RNLS: variants seen among roughly 807,000 people sequenced by gnomAD.
RNLS encodes renalase.
Under a neutral mutation model 39.8 loss-of-function variants are expected in RNLS, and 39 were observed. The ratio of observed to expected loss-of-function variants is 0.98; its 90% CI spans 0.76 to 1.28. The LOEUF is 1.28. RNLS is among the 50% of genes most tolerant of loss of function. The pLI is 0.00. For missense variants in RNLS, 410 were observed against 413.3 expected, an observed-to-expected ratio of 0.99 and a Z score of 0.07; for synonymous variants, 147 against 150.7, an observed-to-expected ratio of 0.98 and a Z score of 0.18.
At chr10:88,564,887 G>A (rs1026313484) in intron 4 of RNLS, among the ~76,000 whole-genome samples, 2 of 152,080 alleles carry the variant, frequency 1.3e-5, no homozygotes, top group Admixed American at 6.6e-5. Flanking sequence ...GCAAAATAGA[G>A]AGAGTTGGAT....
chr10:88,188,015 T>C, the RNLS span, among the ~76,000 whole-genome samples: 1 of 152,214 alleles, frequency 6.6e-6, no homozygotes, highest in Non-Finnish European at 1.5e-5. Context: ...TGCATTTATT[T>C]GACACATGCC....
chr10:88,228,252 G>T, the RNLS span, among the ~76,000 whole-genome samples: 1 of 152,094 alleles, frequency 6.6e-6, no homozygotes. Context: ...TTTATTTCTT[G>T]TACATGCAAT....
chr10:88,570,348 T>A (rs1421332641), intron 4 of RNLS, among the ~76,000 whole-genome samples: 1 of 152,218 alleles, frequency 6.6e-6, no homozygotes, highest in Non-Finnish European at 1.5e-5. Context: ...ATTATGGGAT[T>A]CTATTAATGA....
intron 4 of RNLS, among the ~76,000 whole-genome samples, chr10:88,437,853 G>A (rs750299438): frequency 1.8e-4 from 27 of 152,162 alleles, no homozygotes; most frequent in East Asian, 1.5e-3. Context: ...GAGGCCGGGC[G>A]TGGTGGCTCA....
intron 4 of RNLS, among the ~76,000 whole-genome samples, chr10:88,492,319 G>C (rs113314330): frequency 6.6e-6 from 1 of 152,002 alleles, no homozygotes; most frequent in African/African-American, 2.4e-5. Flanking sequence ...AGTCCAATAA[G>C]TGGTATTGGA....
the RNLS span, among the ~76,000 whole-genome samples, chr10:88,213,008 A>G: frequency 1.2e-4 from 18 of 152,196 alleles, no homozygotes. Context: ...TAAAGAAAAA[A>G]TTTTGGCTTT....
At chr10:88,517,255 A>C (rs957186422) in intron 4 of RNLS, among the ~76,000 whole-genome samples, 1 of 152,002 alleles carries the variant, frequency 6.6e-6, no homozygotes, top group Non-Finnish European at 1.5e-5. Flanking sequence ...TATTACAAAC[A>C]GACTTTACAT....
the RNLS span, among the ~76,000 whole-genome samples, chr10:88,197,135 A>G: frequency 6.6e-6 from 1 of 152,194 alleles, no homozygotes; most frequent in African/African-American, 2.4e-5. Flanking sequence ...CTTAATAGCT[A>G]TGTAACTTTG....
the RNLS span, among the ~76,000 whole-genome samples, chr10:88,231,825 A>G: frequency 1.3e-5 from 2 of 152,366 alleles, no homozygotes; most frequent in Non-Finnish European, 2.9e-5. Flanking sequence ...TGTATCCACA[A>G]GTAACAGAAA....
At chr10:88,263,838 A>G in the RNLS span, among the ~76,000 whole-genome samples, 2 of 152,086 alleles carry the variant, frequency 1.3e-5, no homozygotes, top group Non-Finnish European at 2.9e-5. Flanking sequence ...TTTAATTTAA[A>G]TAGGTTTTTG....
the RNLS span, among the ~76,000 whole-genome samples, chr10:88,259,727 AT>A: frequency 5.3e-4 from 81 of 152,326 alleles, no homozygotes; most frequent in Non-Finnish European, 8.5e-4. Flanking sequence ...TTCAACAGAA[AT>A]TAAAGATAGA....
the RNLS span, among the ~76,000 whole-genome samples, chr10:88,236,207 G>T: frequency 6.6e-6 from 1 of 152,274 alleles, no homozygotes; most frequent in South Asian, 2.1e-4. Context: ...AAAAGCCCTG[G>T]CTTCTTTAAG....
At chr10:88,275,458 C>T (rs1221891769) in intron 6 of RNLS, among the ~76,000 whole-genome samples, 1 of 152,118 alleles carries the variant, frequency 6.6e-6, no homozygotes, top group Non-Finnish European at 1.5e-5. Context: ...AATGTGCAAA[C>T]ATATTTATTG....
the RNLS span, among the ~76,000 whole-genome samples, chr10:88,175,658 C>T: frequency 6.6e-5 from 10 of 152,052 alleles, no homozygotes; most frequent in African/African-American, 2.4e-4. Context: ...TTTTGTGGCC[C>T]ATCATATGAT....
At chr10:88,236,660 G>A in the RNLS span, among the ~76,000 whole-genome samples, 5 of 152,260 alleles carry the variant, frequency 3.3e-5, no homozygotes, top group South Asian at 8.3e-4. Context: ...GCATCATGCC[G>A]TTATTTCATA....
intron 3 of RNLS, among the ~76,000 whole-genome samples, chr10:88,573,937 T>C (rs962899904): frequency 1.2e-4 from 18 of 152,286 alleles, no homozygotes; most frequent in African/African-American, 4.3e-4. Context: ...GGTCAGGAGT[T>C]TGAGACCAGC....
rs550335045 is a variant in RNLS, at chr10:88,377,198, G to T, written c.527-14473C>A. Among the ~76,000 whole-genome samples, 125 of 150,942 alleles carry T rather than the reference G, an allele frequency of 8.3e-4. 1 individual carries two copies. Among genetic ancestry groups the T allele is most frequent in the Non-Finnish European group, 1.6e-3 (109 of 67,766 alleles). ...ATTCTCCACATCTCTGTGTGTGTGTGTCGCATGCATGCACACACATTATCT... is the reference window on the plus strand; with the variant it reads ...ATTCTCCACATCTCTGTGTGTGTGTTTCGCATGCATGCACACACATTATCT... On this transcript the variant is annotated intron_variant, in intron 4 of 6. Transcript: ENST00000331772.
At chr10:88,505,863 T>C (rs549848281) in intron 4 of RNLS, among the ~76,000 whole-genome samples, 75 of 152,260 alleles carry the variant, frequency 4.9e-4, no homozygotes, top group Admixed American at 2.7e-3. Flanking sequence ...GGAATGCACA[T>C]GTTATCAGTG....
chr10:88,400,884 T>C (rs1439028502), intron 4 of RNLS, among the ~76,000 whole-genome samples: 1 of 152,014 alleles, frequency 6.6e-6, no homozygotes. Context: ...CTTAACTTTT[T>C]ACAAATACAG....
Sources: allele counts gnomAD v4.1 joint callset (sites outside exome capture counted in the v4.1 genomes callset), GRCh38; gene constraint gnomAD v4.1.1; transcripts MANE v1.5; gene names NCBI Gene and HGNC (gene_info 2026-07-23, HGNC 2026-07-21).